BAIAP2L1: variants seen among roughly 807,000 people sequenced by gnomAD.
BAIAP2L1 encodes BAR/IMD domain containing adaptor protein 2 like 1.
Under a neutral mutation model 66.3 loss-of-function variants are expected in BAIAP2L1, and 35 were observed. That is an observed-to-expected ratio of 0.53 (90% CI 0.40 to 0.70). The LOEUF is 0.70. Among genes scored for constraint, BAIAP2L1 ranks in the 30% least tolerant of loss-of-function variants. BAIAP2L1 has a pLI of 0.00. For synonymous variants in BAIAP2L1, 269 were observed against 248.7 expected (o/e 1.08, Z -0.77); for missense variants, 622 against 656.9 (o/e 0.95, Z 0.58).
At chr7:98,365,462 T>G in intron 1 of BAIAP2L1, among the ~76,000 whole-genome samples, 1 of 152,224 alleles carries the variant, frequency 6.6e-6, no homozygotes. Flanking sequence ...GTTTCTTGAT[T>G]GCTCTTTTTG....
Position 98,395,766 on chromosome 7 carries a change from C to T in BAIAP2L1, c.51+5036G>A, listed in dbSNP as rs77155584. Among the ~76,000 whole-genome samples, 113 of 152,152 alleles carry T rather than the reference C, an allele frequency of 7.4e-4. 2 individuals carry two copies. In the East Asian group the frequency reaches 0.02, roughly 26 times the overall value. On this transcript the variant is annotated intron_variant, in intron 1 of 13. Coordinates refer to ENST00000005260, the MANE Select transcript of BAIAP2L1 (RefSeq NM_018842.5). ...GTTGGAATTATTACAGCTTTGAATA[C>T]AGGCCTGTAATCCCAGCACTTTGGG...
At chr7:98,347,585 C>T (rs951856795) in intron 3 of BAIAP2L1, among the ~76,000 whole-genome samples, 9 of 151,938 alleles carry the variant, frequency 5.9e-5, no homozygotes, top group Non-Finnish European at 8.8e-5. Flanking sequence ...ACCATCCTGG[C>T]TAACATGGTG....
chr7:98,357,686 G>C (rs1212732765), intron 2 of BAIAP2L1, among the ~76,000 whole-genome samples: 1 of 151,488 alleles, frequency 6.6e-6, no homozygotes, highest in Non-Finnish European at 1.5e-5. Flanking sequence ...ATAAGACTCA[G>C]AACAACCTTA....
intron 1 of BAIAP2L1, among the ~76,000 whole-genome samples, chr7:98,368,373 C>T (rs1292990073): frequency 6.6e-6 from 1 of 152,062 alleles, no homozygotes; most frequent in Non-Finnish European, 1.5e-5. Context: ...GAGCTGAGAC[C>T]GTGCCATTGC....
At chr7:98,331,819 C>CA (rs1430437623) in intron 3 of BAIAP2L1, among the ~76,000 whole-genome samples, 6 of 152,036 alleles carry the variant, frequency 3.9e-5, no homozygotes, top group Non-Finnish European at 8.8e-5. Context: ...TCTAGAGGAA[C>CA]AATGATAAGA....
At chr7:98,312,679 G>A (rs1800915364) in intron 7 of BAIAP2L1, among the ~76,000 whole-genome samples, 2 of 152,306 alleles carry the variant, frequency 1.3e-5, no homozygotes, top group South Asian at 4.1e-4. Context: ...CACGGGCCCC[G>A]TAGTTGACTC....
intron 5 of BAIAP2L1, 67 bp downstream of exon 5, chr7:98,319,991 C>G (rs551678148): frequency 9.1e-6 from 12 of 1,315,022 alleles, no homozygotes; most frequent in South Asian, 2.6e-5. Context: ...ACAGTGGGAA[C>G]GAGTTCTCCC....
chr7:98,382,944 C>G (rs1802792774), intron 1 of BAIAP2L1, among the ~76,000 whole-genome samples: 2 of 151,996 alleles, frequency 1.3e-5, no homozygotes, highest in Admixed American at 1.3e-4. Context: ...AGAATGAAAC[C>G]TGAGGTCAGG....
intron 3 of BAIAP2L1, among the ~76,000 whole-genome samples, chr7:98,346,120 T>C (rs528737000): frequency 1.1e-4 from 16 of 152,284 alleles, no homozygotes; most frequent in African/African-American, 3.6e-4. Context: ...TTTAAATGGG[T>C]AAACTGTATC....
At chr7:98,354,171 A>G (rs1802068983) in intron 3 of BAIAP2L1, among the ~76,000 whole-genome samples, 1 of 151,726 alleles carries the variant, frequency 6.6e-6, no homozygotes, top group Admixed American at 6.6e-5. Flanking sequence ...CTCCACTGTC[A>G]GGCCTCTCAT....
chr7:98,320,978 T>G (rs1016710038), intron 3 of BAIAP2L1, among the ~76,000 whole-genome samples: 2 of 152,272 alleles, frequency 1.3e-5, no homozygotes, highest in Non-Finnish European at 2.9e-5. Context: ...CACCTCAGCC[T>G]CCCGAGTAGC....
At chr7:98,301,795 G>A (rs554218432) in intron 12 of BAIAP2L1, among the ~76,000 whole-genome samples, 5 of 152,136 alleles carry the variant, frequency 3.3e-5, no homozygotes, top group African/African-American at 7.2e-5. Flanking sequence ...AATCTCTCCC[G>A]TGGAGGGGAC....
chr7:98,393,069 A>G (rs1297618060), intron 1 of BAIAP2L1, among the ~76,000 whole-genome samples: 6 of 79,960 alleles, frequency 7.5e-5, no homozygotes, highest in Non-Finnish European at 1.1e-4. Context: ...GTACACATAT[A>G]TGTATACACA....
At chr7:98,331,232 A>T (rs757018952) in intron 3 of BAIAP2L1, among the ~76,000 whole-genome samples, 34 of 152,164 alleles carry the variant, frequency 2.2e-4, no homozygotes, top group Admixed American at 1.8e-3. Flanking sequence ...ATATCCAAGA[A>T]CTGCGGGAAA....
chr7:98,386,641 G>T, intron 1 of BAIAP2L1: 4 of 1,265,580 alleles, frequency 3.2e-6, no homozygotes, highest in South Asian at 2.6e-5. Flanking sequence ...TTCTTTCCGA[G>T]AACTTTTTTT....
At chr7:98,338,330 G>C (rs1801659073) in intron 3 of BAIAP2L1, among the ~76,000 whole-genome samples, 1 of 151,800 alleles carries the variant, frequency 6.6e-6, no homozygotes, top group Admixed American at 6.6e-5. Flanking sequence ...GCTGAGGCAG[G>C]AGAATGGCGT....
rs778501176 is a variant in BAIAP2L1, at chr7:98,372,770, GCT to G, written c.52-10340_52-10339del. Among the ~76,000 whole-genome samples the G allele has an allele frequency of 6.6e-5, 8 of 121,584 alleles. No homozygotes were observed. In the East Asian group the frequency reaches 1.3e-3, roughly 19 times the overall value. The allele number at this position is 121,584 out of a possible 152,430, so 79.8% of individuals were successfully genotyped here. On this transcript the variant is annotated intron_variant, in intron 1 of 13. Transcript: ENST00000005260. Reference sequence around the variant, plus strand: ...TTTTTTTTTTTTGAGACACAGTCTCGCTCTGTCTCCCAGGCTGGAATGTAGTG... The same window carrying G: ...TTTTTTTTTTTTGAGACACAGTCTCGCTGTCTCCCAGGCTGGAATGTAGTG...
chr7:98,294,669 A>G (rs1339168859), intron 12 of BAIAP2L1, among the ~76,000 whole-genome samples: 3 of 152,244 alleles, frequency 2.0e-5, no homozygotes, highest in Non-Finnish European at 4.4e-5. Context: ...CGGTCTTTTG[A>G]ACGCAGAATC....
intron 3 of BAIAP2L1, among the ~76,000 whole-genome samples, chr7:98,340,797 T>TG (rs1178947002): frequency 6.6e-6 from 1 of 150,680 alleles, no homozygotes; most frequent in African/African-American, 2.4e-5. Flanking sequence ...TTACAGGTTT[T>TG]TTTTTTTTTT....
Sources: gnomAD v4.1 joint callset for allele counts (sites outside exome capture counted in the v4.1 genomes callset) on GRCh38, gnomAD v4.1.1 for gene constraint, MANE v1.5 for transcripts, NCBI Gene and HGNC (gene_info 2026-07-23, HGNC 2026-07-21) for gene names.